NRXN1: variants seen among roughly 807,000 people sequenced by gnomAD.
NRXN1 encodes neurexin-1.
In NRXN1, 39 loss-of-function variants were observed where a neutral mutation model predicts 150.9. The observed-to-expected ratio is 0.26, with a 90% CI of 0.20 to 0.34. NRXN1 has a LOEUF of 0.34. Among genes scored for constraint, NRXN1 ranks in the 10% least tolerant of loss-of-function variants. The pLI, the probability that NRXN1 is intolerant of heterozygous loss-of-function variation, is 1.00. For synonymous variants in NRXN1, 924 were observed against 757.0 expected (o/e 1.22, Z -3.62); for missense variants, 1,815 against 1,949.9 (o/e 0.93, Z 1.30).
intron 2 of NRXN1, among the ~76,000 whole-genome samples, chr2:50,984,143 T>C (rs1419969019): frequency 7.4e-6 from 1 of 134,922 alleles, no homozygotes; most frequent in Non-Finnish European, 1.6e-5. Flanking sequence ...AATTTTTTTT[T>C]TTTTTTTTTT....
At chr2:50,905,737 T>G (rs1683573396) in intron 5 of NRXN1, among the ~76,000 whole-genome samples, 1 of 152,094 alleles carries the variant, frequency 6.6e-6, no homozygotes, top group South Asian at 2.1e-4. Context: ...TCCTATATGG[T>G]CATTATATTT....
intron 5 of NRXN1, among the ~76,000 whole-genome samples, chr2:50,642,292 T>C (rs1380200933): frequency 6.6e-6 from 1 of 152,040 alleles, no homozygotes; most frequent in Non-Finnish European, 1.5e-5. Context: ...TAAAAGGCTA[T>C]GGAACTTAAA....
intron 13 of NRXN1, among the ~76,000 whole-genome samples, chr2:50,504,046 G>A (rs1413938773): frequency 6.8e-6 from 1 of 147,832 alleles, no homozygotes; most frequent in Non-Finnish European, 1.5e-5. Flanking sequence ...AAAGCAGGAA[G>A]AGATTATATA....
chr2:50,278,100 A>C (rs1188498942), intron 17 of NRXN1, among the ~76,000 whole-genome samples: 3 of 116,014 alleles, frequency 2.6e-5, no homozygotes, highest in African/African-American at 6.8e-5. Context: ...ATGAAGTCTC[A>C]CTCTGTTACC....
intron 17 of NRXN1, among the ~76,000 whole-genome samples, chr2:50,379,291 G>C (rs2080768188): frequency 6.6e-6 from 1 of 152,118 alleles, no homozygotes; most frequent in Admixed American, 6.6e-5. Flanking sequence ...TACTCACTTT[G>C]TATCCCTGAC....
intron 17 of NRXN1, among the ~76,000 whole-genome samples, chr2:50,292,740 C>T (rs1305546901): frequency 6.6e-6 from 1 of 152,166 alleles, no homozygotes; most frequent in Non-Finnish European, 1.5e-5. Context: ...AAAGAATCTG[C>T]CAATGTTCAA....
At position 50,105,533 on chromosome 2, in the gene NRXN1, T is replaced by C. The variant is rs552005684; in HGVS notation, c.3547-14039A>G. Among the ~76,000 whole-genome samples, 31 of 152,084 alleles carry C rather than the reference T, an allele frequency of 2.0e-4. 1 individual carries two copies. In the South Asian group the frequency reaches 6.2e-3, roughly 31 times the overall value. On this transcript the variant is annotated intron_variant, in intron 18 of 22. Coordinates refer to ENST00000401669, the MANE Select transcript of NRXN1 (RefSeq NM_001330078.2). Reference sequence around the variant, plus strand: ...TTTATAGCCAACAGATTTATTTAAATCATATTTATCATTGCTTGCTATTTT... The same window carrying C: ...TTTATAGCCAACAGATTTATTTAAACCATATTTATCATTGCTTGCTATTTT...
chr2:49,987,324 C>T (rs1373321146), intron 21 of NRXN1, among the ~76,000 whole-genome samples: 5 of 152,160 alleles, frequency 3.3e-5, no homozygotes, highest in Non-Finnish European at 5.9e-5. Context: ...GGTCTTACAA[C>T]ACTCCTTTCC....
chr2:50,278,278 T>TATATATA (rs2070887726), intron 17 of NRXN1, among the ~76,000 whole-genome samples: 1 of 88,978 alleles, frequency 1.1e-5, no homozygotes, highest in Non-Finnish European at 2.2e-5. Context: ...ATATGTATTA[T>TATATATA]ATATATAATA....
At chr2:50,232,343 G>A (rs1157680037) in intron 18 of NRXN1, among the ~76,000 whole-genome samples, 1 of 150,718 alleles carries the variant, frequency 6.6e-6, no homozygotes, top group African/African-American at 2.4e-5. Context: ...TGAAGTAAAT[G>A]ATGAAAAGTC....
chr2:50,159,183 T>C (rs1169706431), intron 18 of NRXN1, among the ~76,000 whole-genome samples: 1 of 152,150 alleles, frequency 6.6e-6, no homozygotes, highest in Non-Finnish European at 1.5e-5. Context: ...CTGGAACTGA[T>C]CAGTTGCTCC....
intron 20 of NRXN1, among the ~76,000 whole-genome samples, chr2:50,054,410 C>A (rs1244187722): frequency 3.9e-5 from 6 of 152,138 alleles, no homozygotes; most frequent in Non-Finnish European, 7.3e-5. Context: ...CTCATAAAAG[C>A]ATGCACACAA....
chr2:49,966,264 T>C (rs1031911909), intron 21 of NRXN1, among the ~76,000 whole-genome samples: 3 of 152,160 alleles, frequency 2.0e-5, no homozygotes, highest in Non-Finnish European at 4.4e-5. Flanking sequence ...GAAGAGATGT[T>C]ATTTCTTCCT....
chr2:50,477,024 A>G (rs1290899293), intron 15 of NRXN1, among the ~76,000 whole-genome samples: 3 of 152,168 alleles, frequency 2.0e-5, no homozygotes, highest in Admixed American at 2.0e-4. Context: ...AGTTGAGACA[A>G]GAAGAAAGTA....
intron 17 of NRXN1, among the ~76,000 whole-genome samples, chr2:50,311,916 C>T (rs1178233370): frequency 6.6e-6 from 1 of 151,942 alleles, no homozygotes. Flanking sequence ...GGAATAGTGT[C>T]ATATTGAGGA....
At chr2:50,468,090 G>A (rs1475037415) in intron 16 of NRXN1, among the ~76,000 whole-genome samples, 2 of 151,594 alleles carry the variant, frequency 1.3e-5, no homozygotes, top group Non-Finnish European at 3.0e-5. Flanking sequence ...CCAGTTTGGG[G>A]AGATGCCATT....
chr2:50,886,284 T>C (rs1235420077), intron 5 of NRXN1, among the ~76,000 whole-genome samples: 1 of 151,208 alleles, frequency 6.6e-6, no homozygotes, highest in African/African-American at 2.4e-5. Context: ...AAGATAGAAA[T>C]TTACTTAATA....
intron 18 of NRXN1, among the ~76,000 whole-genome samples, chr2:50,229,452 A>G (rs2064734638): frequency 6.6e-6 from 1 of 152,016 alleles, no homozygotes; most frequent in Non-Finnish European, 1.5e-5. Context: ...TTTTTCTTCC[A>G]TCAATCTATA....
At position 50,948,965 on chromosome 2, in the gene NRXN1, A is replaced by G. The variant is rs72891372; in HGVS notation, c.773-23010T>C. Among the ~76,000 whole-genome samples the G allele has an allele frequency of 9.1e-3, 1,383 of 152,146 alleles. 23 individuals are homozygous for G. The highest frequency in any genetic ancestry group is 0.032 in the African/African-American group (1,329 of 41,556). On this transcript the variant is annotated intron_variant, in intron 2 of 22. Coordinates refer to ENST00000401669, the MANE Select transcript of NRXN1 (RefSeq NM_001330078.2). ...AATTTTGGATCTGGTGGAATACACC[A>G]AAATAAAAAGGCTTACTACAAAAGC...
Sources: gnomAD v4.1 joint callset for allele counts (sites outside exome capture counted in the v4.1 genomes callset) on GRCh38, gnomAD v4.1.1 for gene constraint, MANE v1.5 for transcripts, NCBI Gene and HGNC (gene_info 2026-07-23, HGNC 2026-07-21) for gene names.